The following SHF variants were observed in gnomAD, a reference collection of about 807,000 sequenced individuals.
SHF encodes the protein Src homology 2 domain containing F, also known as SH2 domain-containing adapter protein F.
Under a neutral mutation model 42.4 loss-of-function variants are expected in SHF, and 30 were observed. The ratio of observed to expected loss-of-function variants is 0.71; its 90% confidence interval spans 0.53 to 0.96. The LOEUF (loss-of-function observed/expected upper bound fraction) is 0.96, where lower values mean the gene tolerates loss of function less well. Among genes scored for constraint, SHF ranks in the 40% least tolerant of loss-of-function variants. The pLI, the probability that SHF is intolerant of heterozygous loss-of-function variation, is 0.00. For synonymous variants in SHF, 264 were observed against 269.9 expected (o/e 0.98, Z 0.21); for missense variants, 598 against 634.0 (o/e 0.94, Z 0.61).
At position 45,175,244 on chromosome 15, in the gene SHF, C is replaced by T. The variant is rs1420404576; in HGVS notation, c.822G>A (p.Lys274=). 2 of 1,611,044 alleles carry T rather than the reference C, an allele frequency of 1.2e-6. No individual in the cohort carries two copies. Among genetic ancestry groups the T allele is most frequent in the Non-Finnish European group, 8.5e-7 (1 of 1,179,146 alleles). The change falls in exon 3 of 7, where the codon AAG becomes AAA. Residue 274 remains lysine, a synonymous_variant. Coordinates refer to ENST00000690270, the MANE Select transcript of SHF (RefSeq NM_001394037.1). The stretch of plus-strand genomic sequence containing the variant: ...CTGCAAAGGCTTTGGAAATCCGCTC[C>T]TTCTTCCACTCCCAGGGCTGGTCAT... ...EEYDQPWEWK[K]ERISKAFAVD...
In SHF at chr15:45,175,419, C is replaced by A; in HGVS notation, c.647G>T (p.Arg216Leu). Reference protein sequence around the residue: ...YEAQKMMAEIRGSKETATQPL... With the variant: ...YEAQKMMAEILGSKETATQPL... ...CTGAGTTGCTGTCTCCTTGGAGCCC[C>A]GGATCTCTGCCGGAGCAGGGCAGGA... The change falls in exon 3 of 7, where the codon CGG (arginine) becomes CTG (leucine). Residue 216 changes from arginine to leucine, a missense_variant. By Grantham distance (102) the Arg-to-Leu change is moderately radical (BLOSUM62 -2). Transcript: ENST00000690270. The A allele has an allele frequency of 6.3e-7, 1 of 1,579,604 alleles. No individual in the cohort carries two copies. Among genetic ancestry groups the A allele is most frequent in the East Asian group, 2.3e-5 (1 of 43,092 alleles).
At chr15:45,172,844 A>G (rs1162994682) in intron 4 of SHF, among the ~76,000 whole-genome samples, 1 of 151,398 alleles carries the variant, frequency 6.6e-6, no homozygotes, top group Non-Finnish European at 1.5e-5. Context: ...CCGACCCCCA[A>G]CGTTGCTGCC....
chr15:45,187,843 C>T lies in SHF; in HGVS notation c.109G>A (p.Ala37Thr). Reference protein sequence around the residue: ...GSRRGAGGAGAGPGGGGSGGV... With the variant: ...GSRRGAGGAGTGPGGGGSGGV... ...CCGCTGCCGCCCCCTCCTGGGCCGG[C>T]TCCCGCACCCCCGGCGCCCCGGCGG... Residue 37 changes from alanine to threonine, a missense_variant, in exon 1 of 7, where the codon GCC becomes ACC. By Grantham distance (58) the Ala-to-Thr change is moderately conservative. This residue lies in a region of SHF where 159 missense variants were observed against 109.3 expected (regional missense o/e 1.45). Transcript: ENST00000690270. 1 of 1,030,028 alleles carries T rather than the reference C, an allele frequency of 9.7e-7. No homozygotes were observed. The highest frequency in any genetic ancestry group is 1.2e-6 in the Non-Finnish European group (1 of 815,904). 63.8% of individuals were successfully genotyped at this position (1,030,028 alleles called of 1,614,324 possible).
chr15:45,181,891 C>T (rs1567036271), intron 1 of SHF, among the ~76,000 whole-genome samples: 1 of 152,194 alleles, frequency 6.6e-6, no homozygotes, highest in Non-Finnish European at 1.5e-5. Context: ...GGTATTTAGG[C>T]ACATTCTCTG....
chr15:45,178,316 G>C lies in SHF; in HGVS notation c.499-10C>G, dbSNP rs1279383416. ...CTTCTAGGATAGCTAGCTGTGGGAGGAGAGTGAAGAGAGTGGGCTTCAGGG... is the reference window on the plus strand; with the variant it reads ...CTTCTAGGATAGCTAGCTGTGGGAGCAGAGTGAAGAGAGTGGGCTTCAGGG... On this transcript the variant is annotated splice_polypyrimidine_tract_variant and intron_variant, in intron 1 of 6. Transcript: ENST00000690270. 1.2e-6 allele frequency: 2 copies of C among 1,610,038 alleles called. No individual in the cohort carries two copies.
At chr15:45,193,878 A>T (rs1165001663) in intron 2 of SHF, among the ~76,000 whole-genome samples, 2 of 151,464 alleles carry the variant, frequency 1.3e-5, no homozygotes, top group African/African-American at 4.9e-5. Context: ...GGAGTTCAAG[A>T]GCTTGTGCTC....
intron 2 of SHF, among the ~76,000 whole-genome samples, chr15:45,196,275 G>A (rs1412109995): frequency 6.6e-6 from 1 of 152,080 alleles, no homozygotes; most frequent in African/African-American, 2.4e-5. Flanking sequence ...TGTATTTTTA[G>A]TAGAGACGGG....
chr15:45,170,638 T>C (rs1897427851), intron 6 of SHF: 1 of 307,434 alleles, frequency 3.3e-6, no homozygotes, highest in Non-Finnish European at 6.1e-6. Flanking sequence ...TTTTCTATTA[T>C]CTTTTTCTTT....
upstream of SHF, among the ~76,000 whole-genome samples, chr15:45,192,336 T>G (rs1479173508): frequency 2.8e-5 from 4 of 143,578 alleles, no homozygotes; most frequent in South Asian, 4.3e-4. Context: ...CTCCCTACAG[T>G]TTTTTTTTTT....
intron 2 of SHF, among the ~76,000 whole-genome samples, chr15:45,196,835 C>T (rs1266993362): frequency 1.3e-5 from 2 of 149,128 alleles, no homozygotes; most frequent in Non-Finnish European, 3.0e-5. Context: ...GGAGGCGGAG[C>T]TTGCAGTGAG....
intron 1 of SHF, among the ~76,000 whole-genome samples, chr15:45,180,774 G>T (rs928060985): frequency 7.2e-5 from 11 of 152,116 alleles, no homozygotes; most frequent in Admixed American, 6.5e-4. Flanking sequence ...TGTTTGTTTT[G>T]TTCCATGTCT....
rs188125824 is a variant in SHF at position 45,184,103 on chromosome 15, T to C, written c.498+3351A>G. On this transcript the variant is annotated intron_variant, in intron 1 of 6. Coordinates refer to ENST00000690270, the MANE Select transcript of SHF (RefSeq NM_001394037.1). ...CAAACAAACCCCAAAAAGGCAAGTA[T>C]GAGGTCTTCCAGGTGCTGTGTCCCT... is the stretch of plus-strand genomic sequence containing the variant. 6.0e-4 allele frequency among the ~76,000 whole-genome samples: 92 copies of C among 152,342 alleles called. 1 individual carries two copies. The highest frequency in any genetic ancestry group is 3.4e-3 in the Middle Eastern group (1 of 294).
chr15:45,170,338 A>T (rs1305583904), intron 6 of SHF: 3 of 1,275,604 alleles, frequency 2.4e-6, no homozygotes, highest in East Asian at 5.6e-5. Flanking sequence ...TAGAAATGGT[A>T]TACAGGCTGC....
At chr15:45,184,461 C>T (rs747798713) in intron 1 of SHF, among the ~76,000 whole-genome samples, 11 of 152,174 alleles carry the variant, frequency 7.2e-5, no homozygotes, top group African/African-American at 9.7e-5. Flanking sequence ...CAATTTCTGG[C>T]GGTTCATGAA....
intron 4 of SHF, among the ~76,000 whole-genome samples, chr15:45,172,672 T>A (rs527864709): frequency 5.9e-5 from 9 of 152,216 alleles, no homozygotes; most frequent in Non-Finnish European, 1.3e-4. Flanking sequence ...ACTGATAATA[T>A]TGTTTCTTTC....
chr15:45,178,346 G>C (rs771473164), intron 1 of SHF, 40 bp from the exon 2 acceptor site: 3 of 1,594,820 alleles, frequency 1.9e-6, no homozygotes, highest in Non-Finnish European at 2.6e-6. Context: ...TCAGGGAGCA[G>C]AGAGGCAACT....
intron 1 of SHF, among the ~76,000 whole-genome samples, chr15:45,182,066 G>A (rs1567036386): frequency 6.6e-6 from 1 of 152,168 alleles, no homozygotes; most frequent in Non-Finnish European, 1.5e-5. Context: ...CAGAGCAGCT[G>A]TCATACTTTG....
Position 45,175,379 on chromosome 15 carries a change from A to G in SHF, c.687T>C (p.Tyr229=), listed in dbSNP as rs765600905. 1 of 1,596,296 alleles carries G rather than the reference A, an allele frequency of 6.3e-7. No homozygotes were observed. The highest frequency in any genetic ancestry group is 1.1e-5 in the South Asian group (1 of 87,972). The change falls in exon 3 of 7, where the codon TAT becomes TAC. Residue 229 remains tyrosine (Y), a synonymous_variant. Transcript: ENST00000690270. ...KETATQPLPL[Y]DTPYEPEEDG... ...CCTCCTCTGGCTCATAGGGTGTGTCATACAGAGGCAAGGGCTGAGTTGCTG... is the reference window on the plus strand; with the variant it reads ...CCTCCTCTGGCTCATAGGGTGTGTCGTACAGAGGCAAGGGCTGAGTTGCTG...
chr15:45,172,241 C>G lies in SHF; in HGVS notation c.1066G>C (p.Ala356Pro). 3 of 1,613,760 alleles carry G rather than the reference C, an allele frequency of 1.9e-6. No homozygotes were observed. The highest frequency in any genetic ancestry group is 1.7e-5 in the Admixed American group (1 of 60,004). The stretch of plus-strand genomic sequence containing the variant: ...GGTTTGGCTGACTTGGGGTTCCCTG[C>G]AGAGAGTCGGGGAGGTAGCCGCCCC... Reference protein sequence around the residue: ...EKGRLPPRLSAGNPKSAKPLS... With the variant: ...EKGRLPPRLSPGNPKSAKPLS... Residue 356 changes from alanine to proline, a missense_variant, in exon 5 of 7, where the codon GCA becomes CCA. By Grantham distance (27) the Ala-to-Pro change is conservative. This residue lies in a region of SHF where 439 missense variants were observed against 524.6 expected (regional missense o/e 0.84). Coordinates refer to ENST00000690270, the MANE Select transcript of SHF (RefSeq NM_001394037.1).
Sources: gnomAD v4.1 joint callset for allele counts (sites outside exome capture counted in the v4.1 genomes callset) on GRCh38, gnomAD v4.1.1 for gene constraint, gnomAD v4.1.1 regional missense constraint, MANE v1.5 for transcripts, NCBI Gene and HGNC (gene_info 2026-07-23, HGNC 2026-07-21) for gene names.